The following PRKG1 variants were observed in gnomAD, a reference collection of about 807,000 sequenced individuals.
The protein encoded by PRKG1 is protein kinase cGMP-dependent 1.
Under a neutral mutation model 88.1 loss-of-function variants are expected in PRKG1, and 35 were observed. That is an observed-to-expected ratio of 0.40 (90% CI 0.30 to 0.53). The LOEUF (loss-of-function observed/expected upper bound fraction) is 0.53, where lower values mean the gene tolerates loss of function less well. Ranked by LOEUF, PRKG1 falls within the 20% of genes least tolerant of loss-of-function variation. The pLI is 0.59. For synonymous variants in PRKG1, 303 were observed against 292.5 expected (o/e 1.04, Z -0.37); for missense variants, 540 against 839.8 (o/e 0.64, Z 4.41).
intron 3 of PRKG1, among the ~76,000 whole-genome samples, chr10:51,622,908 G>A (rs931055283): frequency 2.6e-5 from 4 of 152,088 alleles, no homozygotes; most frequent in African/African-American, 4.8e-5. Context: ...TGTTCATTAC[G>A]AGAAAATGAA....
chr10:51,238,409 C>T (rs936100758), intron 2 of PRKG1, among the ~76,000 whole-genome samples: 7 of 151,968 alleles, frequency 4.6e-5, no homozygotes, highest in Non-Finnish European at 7.4e-5. Context: ...GGTAAAACTC[C>T]GCCTCTACTA....
At chr10:52,292,621 T>C (rs191759951) in intron 17 of PRKG1, among the ~76,000 whole-genome samples, 97 of 152,298 alleles carry the variant, frequency 6.4e-4, no homozygotes, top group African/African-American at 1.9e-3. Context: ...CATTGATCTA[T>C]ATCTCTGTTT....
In PRKG1 at chr10:52,176,173, CTTTT is replaced by C. The variant is rs140722137; in HGVS notation, c.1076+14228_1076+14231del. ...TCGATTTTGAGTTTTTTCTTTTTCT[CTTTT>C]TTTTTTTTTTTTTTTTTGTAGGGTG... On this transcript the variant is annotated intron_variant, in intron 9 of 17. Transcript: ENST00000373980. Among the ~76,000 whole-genome samples, 399 of 95,676 alleles carry C rather than the reference CTTTT, an allele frequency of 4.2e-3. 2 individuals are homozygous for C. Among genetic ancestry groups the C allele is most frequent in the African/African-American group, 0.014 (380 of 26,502 alleles). 62.8% of individuals were successfully genotyped at this position (95,676 alleles called of 152,430 possible).
At chr10:51,422,920 G>GT (rs1838457591) in intron 2 of PRKG1, among the ~76,000 whole-genome samples, 1 of 148,968 alleles carries the variant, frequency 6.7e-6, no homozygotes, top group South Asian at 2.1e-4. Context: ...GAGTGAAGAT[G>GT]TTTTTACAAA....
intron 4 of PRKG1, among the ~76,000 whole-genome samples, chr10:51,906,526 G>A (rs907601046): frequency 3.3e-5 from 5 of 152,168 alleles, no homozygotes; most frequent in African/African-American, 1.2e-4. Flanking sequence ...TAGGTCATAG[G>A]TGGATTAGAA....
intron 9 of PRKG1, among the ~76,000 whole-genome samples, chr10:52,169,190 C>T (rs1247951265): frequency 6.6e-6 from 1 of 152,160 alleles, no homozygotes; most frequent in Non-Finnish European, 1.5e-5. Context: ...AGGAACACCA[C>T]ATGCACAGAA....
At chr10:51,407,866 G>A (rs1268459237) in intron 2 of PRKG1, among the ~76,000 whole-genome samples, 5 of 152,126 alleles carry the variant, frequency 3.3e-5, no homozygotes. Context: ...TGATAGTCTG[G>A]GTCAGTCACC....
chr10:51,020,344 T>C (rs9888006), intron 1 of PRKG1, among the ~76,000 whole-genome samples: 1,611 of 152,218 alleles, frequency 0.011, 26 homozygotes, highest in African/African-American at 0.036. Context: ...CCCCAAAGAA[T>C]TGAAAACAGA....
intron 4 of PRKG1, among the ~76,000 whole-genome samples, chr10:51,828,888 A>G (rs1040682262): frequency 2.6e-5 from 4 of 152,256 alleles, no homozygotes; most frequent in African/African-American, 9.6e-5. Context: ...TCAAATCTGT[A>G]TTAGTTATCT....
intron 2 of PRKG1, among the ~76,000 whole-genome samples, chr10:51,250,886 G>A (rs1839410261): frequency 6.6e-6 from 1 of 151,734 alleles, no homozygotes; most frequent in African/African-American, 2.4e-5. Context: ...ACCCTGTGTT[G>A]GTAGTGTTAC....
intron 4 of PRKG1, among the ~76,000 whole-genome samples, chr10:51,875,685 T>C (rs952968838): frequency 3.9e-5 from 6 of 152,180 alleles, no homozygotes; most frequent in African/African-American, 1.4e-4. Flanking sequence ...TAAAAAATAA[T>C]GTGATCAAAT....
intron 3 of PRKG1, among the ~76,000 whole-genome samples, chr10:51,738,612 G>A (rs917900726): frequency 3.3e-5 from 5 of 152,164 alleles, no homozygotes; most frequent in African/African-American, 9.7e-5. Flanking sequence ...GAGGAGGAAA[G>A]ACCTCCTATT....
intron 2 of PRKG1, among the ~76,000 whole-genome samples, chr10:51,273,682 C>A (rs1421470681): frequency 2.0e-5 from 3 of 152,198 alleles, no homozygotes; most frequent in Non-Finnish European, 4.4e-5. Context: ...AGATTTCTAA[C>A]TTCTAAAATT....
chr10:51,845,852 G>T (rs1412665689), intron 4 of PRKG1, among the ~76,000 whole-genome samples: 1 of 151,994 alleles, frequency 6.6e-6, no homozygotes, highest in Non-Finnish European at 1.5e-5. Flanking sequence ...CTATTCCTCA[G>T]TGTTACATGT....
At chr10:51,730,486 G>T (rs116858637) in intron 3 of PRKG1, among the ~76,000 whole-genome samples, 2,941 of 152,234 alleles carry the variant, frequency 0.019, 36 homozygotes, top group South Asian at 0.041. Context: ...GAAAAACATA[G>T]CTTTTTTTCT....
At chr10:52,280,677 A>G in intron 12 of PRKG1, 112 bp from the exon 13 acceptor site, 1 of 1,155,722 alleles carries the variant, frequency 8.7e-7, no homozygotes, top group Non-Finnish European at 1.2e-6. Context: ...CAGGACAGTG[A>G]TCTCTGGGTT....
chr10:51,663,713 A>C (rs1454688940), intron 3 of PRKG1, among the ~76,000 whole-genome samples: 1 of 151,278 alleles, frequency 6.6e-6, no homozygotes. Flanking sequence ...AAAAAAAAAA[A>C]AAAAAAAAAA....
At chr10:51,262,200 T>A (rs1839730222) in intron 2 of PRKG1, among the ~76,000 whole-genome samples, 1 of 152,140 alleles carries the variant, frequency 6.6e-6, no homozygotes. Flanking sequence ...CTTTCTAATT[T>A]TTTAAAAGGA....
chr10:51,229,190 G>T (rs1838770926), intron 2 of PRKG1, among the ~76,000 whole-genome samples: 1 of 152,120 alleles, frequency 6.6e-6, no homozygotes, highest in African/African-American at 2.4e-5. Flanking sequence ...CCACTAAAAT[G>T]TAGAAACCTG....
Sources: gnomAD v4.1 joint callset for allele counts (sites outside exome capture counted in the v4.1 genomes callset) on GRCh38, gnomAD v4.1.1 for gene constraint, MANE v1.5 for transcripts, NCBI Gene and HGNC (gene_info 2026-07-23, HGNC 2026-07-21) for gene names.